TRIM67: variants seen among roughly 807,000 people sequenced by gnomAD.
TRIM67 encodes tripartite motif-containing protein 67.
Under a neutral mutation model 71.0 loss-of-function variants are expected in TRIM67, and 39 were observed. That is an observed-to-expected ratio of 0.55 (90% CI 0.43 to 0.72). The LOEUF (loss-of-function observed/expected upper bound fraction) is 0.72, where lower values mean the gene tolerates loss of function less well. Among genes scored for constraint, TRIM67 ranks in the 30% least tolerant of loss-of-function variants. The pLI is 0.00. For synonymous variants in TRIM67, 481 were observed against 473.9 expected (o/e 1.01, Z -0.19); for missense variants, 973 against 1,079.2 (o/e 0.90, Z 1.38).
chr1:231,184,613 G>A (rs1211777841), intron 1 of TRIM67: 3 of 201,772 alleles, frequency 1.5e-5, no homozygotes, highest in Admixed American at 1.1e-4. Context: ...AGCCCTACCA[G>A]GCTGTGCTCA....
chr1:231,168,249 T>C (rs766408910), intron 1 of TRIM67, among the ~76,000 whole-genome samples: 8 of 152,254 alleles, frequency 5.3e-5, no homozygotes, highest in Non-Finnish European at 1.0e-4. Context: ...ATCACGCCTG[T>C]AGGCGTGAGC....
Position 231,203,839 on chromosome 1 carries a change from C to T in TRIM67, c.1535-28C>T, listed in dbSNP as rs764546874. ...GCTGGGGCCCTCGGAGGGCTTCCTG[C>T]GCTAACTCATGTGTGTCCCCCTCGC... On this transcript the variant is annotated intron_variant, in intron 5 of 9. Transcript: ENST00000366653. The T allele has an allele frequency of 4.7e-5, 75 of 1,604,992 alleles. 1 individual carries two copies. Among genetic ancestry groups the T allele is most frequent in the South Asian group, 7.8e-5 (7 of 90,256 alleles).
intron 1 of TRIM67, among the ~76,000 whole-genome samples, chr1:231,196,309 A>C (rs1683370420): frequency 6.6e-6 from 1 of 152,084 alleles, no homozygotes; most frequent in Non-Finnish European, 1.5e-5. Flanking sequence ...GTCATGTAAA[A>C]ATCAGGGTCA....
At position 231,219,466 on chromosome 1, in the gene TRIM67, C is replaced by T. The variant is rs2102772031; in HGVS notation, c.*4026C>T. The stretch of plus-strand genomic sequence containing the variant: ...ATGTGACAAAGCTGCCAGCCTTTAT[C>T]TTGATACCCAAGCCCAGGATTTTCC... On this transcript the variant is annotated 3_prime_UTR_variant, in exon 10 of 10. Transcript: ENST00000366653. 2.8e-6 allele frequency: 3 copies of T among 1,053,094 alleles called. No individual in the cohort carries two copies. The South Asian group carries it at 9.5e-5, about 33-fold the overall frequency. 65.2% of individuals were successfully genotyped at this position (1,053,094 alleles called of 1,614,324 possible).
chr1:231,186,592 T>C (rs2102733954), intron 1 of TRIM67, among the ~76,000 whole-genome samples: 1 of 152,256 alleles, frequency 6.6e-6, no homozygotes, highest in East Asian at 1.9e-4. Flanking sequence ...CTAGCACCTG[T>C]CTGTCTCTAT....
At position 231,174,152 on chromosome 1, in the gene TRIM67, C is replaced by CT. The variant is rs35651112; in HGVS notation, c.1044+10156dup. Reference sequence around the variant, plus strand: ...CTTCTTTTTTCTTTTGTCTTATTTTCTTTTTTTTTTTTTTTTTCTATTTAG... The same window carrying CT: ...CTTCTTTTTTCTTTTGTCTTATTTTCTTTTTTTTTTTTTTTTTTCTATTTAG... On this transcript the variant is annotated intron_variant, in intron 1 of 9. Coordinates refer to ENST00000366653, the MANE Select transcript of TRIM67 (RefSeq NM_001004342.5). Among the ~76,000 whole-genome samples, 408 of 127,338 alleles carry CT rather than the reference C, an allele frequency of 3.2e-3. 3 individuals are homozygous for CT. Among genetic ancestry groups the CT allele is most frequent in the East Asian group, 0.013 (56 of 4,284 alleles). 83.5% of individuals were successfully genotyped at this position (127,338 alleles called of 152,430 possible). A position where few individuals can be genotyped will look rare whatever the true frequency, so the allele number is the denominator to read the frequency against.
chr1:231,177,525 C>T (rs962898087), intron 1 of TRIM67, among the ~76,000 whole-genome samples: 4 of 152,222 alleles, frequency 2.6e-5, no homozygotes, highest in African/African-American at 9.6e-5. Flanking sequence ...GTTATCAGAG[C>T]ATGAGCTGAT....
chr1:231,206,884 AGGGGTGG>A, intron 7 of TRIM67, 94 bp downstream of exon 7: 1 of 1,199,180 alleles, frequency 8.3e-7, no homozygotes, highest in Non-Finnish European at 1.1e-6. Flanking sequence ...ATGATGGGGT[AGGGGTGG>A]GGGGTGGTGC....
intron 1 of TRIM67, among the ~76,000 whole-genome samples, chr1:231,187,314 T>A (rs963003711): frequency 2.0e-5 from 3 of 152,098 alleles, no homozygotes; most frequent in Non-Finnish European, 2.9e-5. Context: ...CGGAGGAGTG[T>A]GCCTCAGTGG....
At chr1:231,208,908 A>G (rs780234587) in intron 7 of TRIM67, 39 bp from the exon 8 acceptor site, 2 of 1,519,298 alleles carry the variant, frequency 1.3e-6, no homozygotes, top group Non-Finnish European at 1.8e-6. Context: ...AGCAAATTCC[A>G]TCCCCTGACC....
At chr1:231,208,101 C>T (rs1683762848) in intron 7 of TRIM67, among the ~76,000 whole-genome samples, 1 of 151,274 alleles carries the variant, frequency 6.6e-6, no homozygotes, top group Non-Finnish European at 1.5e-5. Flanking sequence ...CCTCTGCCAA[C>T]CTGTTCAAGT....
chr1:231,204,275 C>T (rs1401511558), intron 6 of TRIM67, among the ~76,000 whole-genome samples: 1 of 152,202 alleles, frequency 6.6e-6, no homozygotes, highest in Non-Finnish European at 1.5e-5. Context: ...CCGTTTACCC[C>T]CAGCCCCTCA....
In TRIM67 at chr1:231,209,170, G is replaced by A. The variant is rs763010036; in HGVS notation, c.2043G>A (p.Leu681=). The A allele has an allele frequency of 6.2e-7, 1 of 1,612,466 alleles. No individual in the cohort carries two copies. Among genetic ancestry groups the A allele is most frequent in the Non-Finnish European group, 8.5e-7 (1 of 1,178,868 alleles). The change falls in exon 8 of 10, where the codon CTG becomes CTA. Residue 681 remains leucine, a synonymous_variant. Coordinates refer to ENST00000366653, the MANE Select transcript of TRIM67 (RefSeq NM_001004342.5). This position sits in a 1 kb window ranked among gnomAD's most constrained non-coding sequence, Gnocchi z 4.1. ...ARASVVKDMM[L]GKDDKAWAMY... ...CCAGCGTGGTCAAGGACATGATGCT[G>A]GGCAAGGATGACAAGGCCTGGGCCA...
intron 6 of TRIM67, among the ~76,000 whole-genome samples, chr1:231,204,438 A>T (rs1157374002): frequency 6.6e-6 from 1 of 152,320 alleles, no homozygotes; most frequent in African/African-American, 2.4e-5. Flanking sequence ...GGTGCTGGGC[A>T]TATAGAGGAT....
At chr1:231,201,248 T>A in intron 4 of TRIM67, 110 bp from the exon 5 acceptor site, 7 of 1,220,170 alleles carry the variant, frequency 5.7e-6, no homozygotes, top group Non-Finnish European at 6.8e-6. Context: ...AGCACAACCC[T>A]TTTCTGTCTC....
chr1:231,184,186 A>G (rs1682988500), intron 1 of TRIM67: 1 of 149,504 alleles, frequency 6.7e-6, no homozygotes, highest in Admixed American at 6.6e-5. Flanking sequence ...CGTCTGCCAG[A>G]ACAAAGAGAA....
intron 1 of TRIM67, among the ~76,000 whole-genome samples, chr1:231,195,386 C>G (rs1442191232): frequency 1.3e-5 from 2 of 152,236 alleles, no homozygotes; most frequent in Non-Finnish European, 2.9e-5. Flanking sequence ...CAGAGCAGAC[C>G]TGAGACGCTT....
intron 2 of TRIM67, among the ~76,000 whole-genome samples, chr1:231,198,601 G>T (rs1683436740): frequency 6.6e-6 from 1 of 152,128 alleles, no homozygotes; most frequent in African/African-American, 2.4e-5. Context: ...GGTCAGGCTG[G>T]TCTCCAACTC....
At chr1:231,207,506 C>T (rs1025754904) in intron 7 of TRIM67, among the ~76,000 whole-genome samples, 3 of 152,222 alleles carry the variant, frequency 2.0e-5, no homozygotes, top group Non-Finnish European at 4.4e-5. Flanking sequence ...TCTGCTCCCC[C>T]AGGTGTGGCC....
Sources: gnomAD v4.1 joint callset for allele counts (sites outside exome capture counted in the v4.1 genomes callset) on GRCh38, gnomAD v4.1.1 for gene constraint, Gnocchi (gnomAD v3.1) non-coding constraint, MANE v1.5 for transcripts, NCBI Gene and HGNC (gene_info 2026-07-23, HGNC 2026-07-21) for gene names.